Variants in PLXDC1 observed in about 807,000 individuals in gnomAD.
PLXDC1 encodes plexin domain-containing protein 1.
A neutral mutation model predicts 61.3 loss-of-function variants in PLXDC1; 39 were observed. That is an observed-to-expected ratio of 0.64 (90% CI 0.49 to 0.83). The LOEUF is 0.83. Ranked by LOEUF, PLXDC1 falls within the 40% of genes least tolerant of loss-of-function variation. The probability of loss-of-function intolerance (pLI) is 0.00; values close to 1 mark genes in which losing one functional copy is unlikely to be tolerated. For missense variants in PLXDC1, 596 were observed against 666.5 expected (o/e 0.89, Z 1.17); for synonymous variants, 212 against 254.5 (o/e 0.83, Z 1.59).
At chr17:39,117,735 T>C (rs559430591) in intron 2 of PLXDC1, among the ~76,000 whole-genome samples, 4 of 152,148 alleles carry the variant, frequency 2.6e-5, no homozygotes, top group Non-Finnish European at 5.9e-5. Flanking sequence ...GAGCAAGACA[T>C]TGTCACAAAA....
chr17:39,130,231 T>C (rs1237776881), intron 2 of PLXDC1, among the ~76,000 whole-genome samples: 1 of 152,146 alleles, frequency 6.6e-6, no homozygotes, highest in Admixed American at 6.6e-5. Context: ...GGCAGGAGGA[T>C]CACTTGCGTC....
intron 7 of PLXDC1, 47 bp from the exon 8 acceptor site, chr17:39,087,749 G>A: frequency 7.1e-7 from 1 of 1,407,528 alleles, no homozygotes; most frequent in Non-Finnish European, 1.0e-6. Flanking sequence ...CACAGGCAGA[G>A]GGCATCGAGG....
chr17:39,123,696 T>TA (rs1911234138), intron 2 of PLXDC1, among the ~76,000 whole-genome samples: 1 of 152,178 alleles, frequency 6.6e-6, no homozygotes, highest in African/African-American at 2.4e-5. Flanking sequence ...CGTCAGCAGT[T>TA]ACAGTATTTC....
intron 10 of PLXDC1, among the ~76,000 whole-genome samples, chr17:39,078,795 G>A (rs1909439910): frequency 6.6e-6 from 1 of 152,168 alleles, no homozygotes; most frequent in South Asian, 2.1e-4. Context: ...TCTCCCAGAG[G>A]AGCCAGCAGT....
intron 1 of PLXDC1, among the ~76,000 whole-genome samples, chr17:39,149,865 G>A (rs1198182630): frequency 6.6e-6 from 1 of 152,136 alleles, no homozygotes; most frequent in Non-Finnish European, 1.5e-5. Flanking sequence ...ACACCAGGTT[G>A]AGGATTCAAA....
At chr17:39,072,294 C>A (rs1909149790) in intron 12 of PLXDC1, 156 bp downstream of exon 12, 2 of 658,930 alleles carry the variant, frequency 3.0e-6, no homozygotes, top group African/African-American at 3.6e-5. Flanking sequence ...AGAAGCCCCC[C>A]TGCCTCCCCA....
At chr17:39,075,399 C>G (rs963567780) in intron 11 of PLXDC1, among the ~76,000 whole-genome samples, 1 of 152,200 alleles carries the variant, frequency 6.6e-6, no homozygotes, top group Non-Finnish European at 1.5e-5. Flanking sequence ...GCTACTCTGC[C>G]CTGACCCTGA....
At chr17:39,129,711 G>GAAAGAAGGAAAGAAAGAAAGAAAGAAA in intron 2 of PLXDC1, among the ~76,000 whole-genome samples, 1 of 108,334 alleles carries the variant, frequency 9.2e-6, no homozygotes, top group African/African-American at 3.5e-5. Context: ...AAAGAAAGAA[G>GAAAGAAGGAAAGAAAGAAAGAAAGAAA]GAAAGAAAGA....
chr17:39,145,196 G>A (rs993122306), intron 1 of PLXDC1, among the ~76,000 whole-genome samples: 1 of 152,166 alleles, frequency 6.6e-6, no homozygotes, highest in Non-Finnish European at 1.5e-5. Flanking sequence ...TAGGTTCTTG[G>A]AGGGCCCTAC....
intron 6 of PLXDC1, 52 bp downstream of exon 6, chr17:39,107,355 G>T: frequency 9.4e-7 from 1 of 1,065,932 alleles, no homozygotes; most frequent in South Asian, 1.5e-5. Context: ...AATATTTGCT[G>T]AATGAAGAAA....
intron 2 of PLXDC1, among the ~76,000 whole-genome samples, chr17:39,126,611 C>T (rs1911317606): frequency 6.6e-6 from 1 of 152,090 alleles, no homozygotes; most frequent in Admixed American, 6.6e-5. Flanking sequence ...GTGGCTGGAA[C>T]CTATCCCAGC....
intron 8 of PLXDC1, among the ~76,000 whole-genome samples, chr17:39,084,554 C>G (rs967594697): frequency 6.6e-6 from 1 of 152,216 alleles, no homozygotes; most frequent in Non-Finnish European, 1.5e-5. Context: ...GGGGAGAAAA[C>G]AGCTCTCCTG....
intron 2 of PLXDC1, among the ~76,000 whole-genome samples, chr17:39,128,185 G>A (rs1479382963): frequency 7.3e-5 from 7 of 95,878 alleles, no homozygotes; most frequent in Non-Finnish European, 1.1e-4. Flanking sequence ...ATATATATAT[G>A]TGTGTATATA....
chr17:39,089,509 T>C (rs1909869759), intron 7 of PLXDC1, among the ~76,000 whole-genome samples: 2 of 152,236 alleles, frequency 1.3e-5, no homozygotes, highest in Admixed American at 1.3e-4. Flanking sequence ...TGCCCCACTA[T>C]TCAGCTCTTC....
intron 1 of PLXDC1, among the ~76,000 whole-genome samples, chr17:39,141,866 T>C (rs1911944991): frequency 6.6e-6 from 1 of 152,196 alleles, no homozygotes; most frequent in South Asian, 2.1e-4. Context: ...GGTATGAGGT[T>C]ATATCTCATC....
At chr17:39,104,265 C>T (rs369534272) in intron 7 of PLXDC1, among the ~76,000 whole-genome samples, 2 of 152,174 alleles carry the variant, frequency 1.3e-5, no homozygotes, top group African/African-American at 2.4e-5. Flanking sequence ...AAGAAATAAA[C>T]GCAGAGAGGT....
At position 39,139,758 on chromosome 17, in the gene PLXDC1, T is replaced by C. The variant is rs1911873242; in HGVS notation, c.151A>G (p.Ser51Gly). ...TCCGGCTCTGACACATGCCCAGGGC[T>C]CTCTCGGGCTCTCCGGTTCCAGCCC... Reference protein sequence around the residue: ...VRGWNRRARESPGHVSEPDRT... With the variant: ...VRGWNRRAREGPGHVSEPDRT... Residue 51 changes from serine to glycine, a missense_variant, in exon 2 of 14, where the codon AGC (serine) becomes GGC (glycine). By Grantham distance (56) the Ser-to-Gly change is moderately conservative. Coordinates refer to ENST00000315392, the MANE Select transcript of PLXDC1 (RefSeq NM_020405.5). The C allele has an allele frequency of 6.2e-7, 1 of 1,613,816 alleles. No homozygotes were observed. The highest frequency in any genetic ancestry group is 1.1e-5 in the South Asian group (1 of 91,082).
At chr17:39,135,582 C>T (rs1249894425) in intron 2 of PLXDC1, among the ~76,000 whole-genome samples, 1 of 150,812 alleles carries the variant, frequency 6.6e-6, no homozygotes, top group Non-Finnish European at 1.5e-5. Context: ...GAGGCTGAGG[C>T]AGGAGAAACA....
chr17:39,139,355 A>T (rs1326044756), intron 2 of PLXDC1, among the ~76,000 whole-genome samples: 2 of 152,156 alleles, frequency 1.3e-5, no homozygotes, highest in Non-Finnish European at 2.9e-5. Flanking sequence ...TCCCTAAGTC[A>T]TGGGAGAGTC....
Sources: gnomAD v4.1 joint callset for allele counts (sites outside exome capture counted in the v4.1 genomes callset) on GRCh38, gnomAD v4.1.1 for gene constraint, MANE v1.5 for transcripts, NCBI Gene and HGNC (gene_info 2026-07-23, HGNC 2026-07-21) for gene names.